Variants in SMPD4 observed in about 807,000 individuals in gnomAD.
SMPD4 encodes neutral sphingomyelinase 3.
SMPD4 carries 58 observed loss-of-function variants against 97.8 expected under a neutral mutation model. The observed-to-expected ratio is 0.59, with a 90% CI of 0.48 to 0.74. The LOEUF (loss-of-function observed/expected upper bound fraction) is 0.74. SMPD4 is among the 30% of genes least tolerant of loss of function. The pLI is 0.00. For synonymous variants in SMPD4, 388 were observed against 450.0 expected, an observed-to-expected ratio of 0.86 and a Z score of 1.74; for missense variants, 853 against 1,080.5, an observed-to-expected ratio of 0.79 and a Z score of 2.95.
intron 12 of SMPD4, 31 bp from the exon 13 acceptor site, chr2:130,156,706 T>C (rs766570873): frequency 6.2e-7 from 1 of 1,603,334 alleles, no homozygotes; most frequent in Non-Finnish European, 8.5e-7. Flanking sequence ...CACCTGCTGC[T>C]TGCCCAGTAA....
At chr2:130,169,982 G>A (rs1315432217) in intron 8 of SMPD4, among the ~76,000 whole-genome samples, 2 of 151,870 alleles carry the variant, frequency 1.3e-5, no homozygotes, top group Non-Finnish European at 1.5e-5. Flanking sequence ...AGATTGCTGA[G>A]GCCAGGAGTT....
chr2:130,153,271 G>T, intron 18 of SMPD4, 48 bp downstream of exon 18: 1 of 1,612,822 alleles, frequency 6.2e-7, no homozygotes, highest in Non-Finnish European at 8.5e-7. Flanking sequence ...GGGAGCTGGG[G>T]ACGGGTCAGG....
intron 1 of SMPD4, among the ~76,000 whole-genome samples, chr2:130,178,768 CG>C (rs1689205808): frequency 6.7e-6 from 1 of 148,658 alleles, no homozygotes; most frequent in Non-Finnish European, 1.5e-5. Context: ...GCACTCTAGC[CG>C]GGGTGATAGA....
chr2:130,172,501 C>G lies in SMPD4; in HGVS notation c.508-1G>C, dbSNP rs1242900082. On this transcript the variant is annotated splice_acceptor_variant, in intron 7 of 19. Transcript: ENST00000680298. LOFTEE classifies it high-confidence loss of function. Reference sequence around the variant, plus strand: ...GGACGTGGAGGGACACAGGAAGTGGCTGGAAAACCAAGCTAGTTGTTAGCA... The same window carrying G: ...GGACGTGGAGGGACACAGGAAGTGGGTGGAAAACCAAGCTAGTTGTTAGCA... 5.6e-6 allele frequency: 9 copies of G among 1,611,020 alleles called. No homozygotes were observed. The highest frequency in any genetic ancestry group is 7.6e-6 in the Non-Finnish European group (9 of 1,177,876).
At chr2:130,166,549 C>T (rs1386409865) in intron 9 of SMPD4, among the ~76,000 whole-genome samples, 1 of 152,144 alleles carries the variant, frequency 6.6e-6, no homozygotes, top group Non-Finnish European at 1.5e-5. Context: ...AAAAGTGCAG[C>T]ACCCCAAATA....
intron 1 of SMPD4, among the ~76,000 whole-genome samples, chr2:130,180,269 CTCTT>C (rs1689420393): frequency 6.6e-6 from 1 of 151,114 alleles, no homozygotes; most frequent in East Asian, 1.9e-4. Flanking sequence ...GGCCAGCTTT[CTCTT>C]TTTCTTTTTT....
chr2:130,173,967 A>G (rs1206598275), intron 3 of SMPD4, among the ~76,000 whole-genome samples: 1 of 119,502 alleles, frequency 8.4e-6, no homozygotes, highest in Non-Finnish European at 1.7e-5. Context: ...AAAAATAAAT[A>G]AATTTAAAAA....
At chr2:130,157,725 G>A (rs1423099635) in intron 11 of SMPD4, 5 of 373,770 alleles carry the variant, frequency 1.3e-5, no homozygotes, top group South Asian at 5.3e-5. Context: ...AATCCGCAGC[G>A]GGTGGCACAG....
intron 3 of SMPD4, among the ~76,000 whole-genome samples, chr2:130,173,995 T>TA (rs1177710772): frequency 3.3e-5 from 5 of 151,102 alleles, no homozygotes; most frequent in African/African-American, 7.3e-5. Context: ...ACAATGAAAA[T>TA]AAAAAAATAT....
At position 130,153,717 on chromosome 2, in the gene SMPD4, C is replaced by A. The variant is rs1686468610; in HGVS notation, c.1878G>T (p.Leu626=). The change falls in exon 17 of 20, where the codon CTG becomes CTT. Residue 626 remains leucine, a synonymous_variant. Coordinates refer to ENST00000680298, the MANE Select transcript of SMPD4 (RefSeq NM_017951.5). Reference sequence around the variant, plus strand: ...TAGCTCGTACCCGGAATATCTGGCGCAGGTACTCCAGGGCCTTCTCCAGGT... The same window carrying A: ...TAGCTCGTACCCGGAATATCTGGCGAAGGTACTCCAGGGCCTTCTCCAGGT... ...DEYLEKALEY[L]RQIFRLSEAQ... The A allele has an allele frequency of 6.2e-7, 1 of 1,613,816 alleles. No individual in the cohort carries two copies. The highest frequency in any genetic ancestry group is 8.5e-7 in the Non-Finnish European group (1 of 1,179,838).
chr2:130,179,120 T>A (rs1487902743), intron 1 of SMPD4, among the ~76,000 whole-genome samples: 1 of 149,778 alleles, frequency 6.7e-6, no homozygotes, highest in Non-Finnish European at 1.5e-5. Flanking sequence ...GTTTTTTCAA[T>A]TCTTTTTTTT....
chr2:130,154,658 G>A (rs905789179), intron 15 of SMPD4, 176 bp from the exon 16 acceptor site: 2 of 760,412 alleles, frequency 2.6e-6, no homozygotes, highest in Non-Finnish European at 4.5e-6. Flanking sequence ...TGGGGAGGGC[G>A]GATGGGGGAG....
chr2:130,167,728 T>A, intron 8 of SMPD4, 138 bp from the exon 9 acceptor site: 3 of 854,794 alleles, frequency 3.5e-6, no homozygotes, highest in Non-Finnish European at 5.3e-6. Flanking sequence ...AATGCACACC[T>A]CCCCCCAGCC....
chr2:130,157,538 AC>A, intron 11 of SMPD4, 142 bp from the exon 12 acceptor site: 1 of 1,458,418 alleles, frequency 6.9e-7, no homozygotes, highest in Non-Finnish European at 9.2e-7. Context: ...GAGTGGGGCC[AC>A]CCCATGGGGC....
At chr2:130,179,490 G>A (rs747189442) in intron 1 of SMPD4, among the ~76,000 whole-genome samples, 1 of 149,706 alleles carries the variant, frequency 6.7e-6, no homozygotes, top group Admixed American at 6.7e-5. Context: ...AAGTTCAAAC[G>A]GTTCTCGTGC....
intron 14 of SMPD4, among the ~76,000 whole-genome samples, chr2:130,155,750 T>C (rs1256105735): frequency 6.6e-6 from 1 of 151,886 alleles, no homozygotes; most frequent in Non-Finnish European, 1.5e-5. Context: ...AAGGGATAGT[T>C]TGGGGGTGGC....
In SMPD4 at chr2:130,172,903, G is replaced by A. The variant is rs752914218; in HGVS notation, c.346-8C>T. 8.1e-6 allele frequency: 13 copies of A among 1,605,370 alleles called. No individual in the cohort carries two copies. The East Asian group carries it at 2.5e-4, about 31-fold the overall frequency. ...GGACGCCTTCACAGGACCCTGCAGA[G>A]AGAGGCAGTGAGGCTTGTGGGCAGG... On this transcript the variant is annotated splice_region_variant and splice_polypyrimidine_tract_variant and intron_variant, in intron 5 of 19. Coordinates refer to ENST00000680298, the MANE Select transcript of SMPD4 (RefSeq NM_017951.5).
chr2:130,160,769 G>A (rs1331564659), intron 11 of SMPD4, among the ~76,000 whole-genome samples: 1 of 152,070 alleles, frequency 6.6e-6, no homozygotes, highest in Non-Finnish European at 1.5e-5. Flanking sequence ...CCACCCGTAA[G>A]TCCCAGGCCT....
chr2:130,153,305 C>A lies in SMPD4; in HGVS notation c.2025+14G>T, dbSNP rs1234758670. On this transcript the variant is annotated intron_variant, in intron 18 of 19. Transcript: ENST00000680298. ...GGGCCCAGCCTGTGCGCCTCTGAGA[C>A]ACGGGCCTCTCACCTGGTACCGCCC... The A allele has an allele frequency of 6.2e-7, 1 of 1,613,578 alleles. No individual in the cohort carries two copies. The highest frequency in any genetic ancestry group is 1.7e-5 in the Admixed American group (1 of 60,012).
Sources: allele counts gnomAD v4.1 joint callset (sites outside exome capture counted in the v4.1 genomes callset), GRCh38; gene constraint gnomAD v4.1.1; transcripts MANE v1.5; gene names NCBI Gene and HGNC (gene_info 2026-07-23, HGNC 2026-07-21).